Variants in SPIDR observed in about 807,000 individuals in gnomAD.
The protein encoded by SPIDR is scaffold protein involved in DNA repair, also known as DNA repair-scaffolding protein.
Under a neutral mutation model 104.6 loss-of-function variants are expected in SPIDR, and 93 were observed. That is an observed-to-expected ratio of 0.89 (90% CI 0.75 to 1.06). The LOEUF is 1.06. Among genes scored for constraint, SPIDR ranks in the 50% least tolerant of loss-of-function variants. The pLI, the probability that SPIDR is intolerant of heterozygous loss-of-function variation, is 0.00. For synonymous variants in SPIDR, 431 were observed against 416.9 expected (o/e 1.03, Z -0.41); for missense variants, 1,154 against 1,111.2 (o/e 1.04, Z -0.55).
At chr8:47,269,048 T>A (rs2154212883) in intron 1 of SPIDR, among the ~76,000 whole-genome samples, 1 of 151,980 alleles carries the variant, frequency 6.6e-6, no homozygotes, top group South Asian at 2.1e-4. Context: ...ATGCCTGTGG[T>A]CCCAGCTACT....
intron 10 of SPIDR, among the ~76,000 whole-genome samples, chr8:47,648,360 A>G (rs1202047731): frequency 2.6e-5 from 4 of 152,212 alleles, no homozygotes; most frequent in Non-Finnish European, 5.9e-5. Flanking sequence ...ATGGTTTTAA[A>G]CATGTTGAGT....
At chr8:47,293,457 T>A (rs907542514) in intron 4 of SPIDR, among the ~76,000 whole-genome samples, 10 of 152,054 alleles carry the variant, frequency 6.6e-5, no homozygotes, top group Admixed American at 3.9e-4. Context: ...ACTGTCTAAA[T>A]TTTTTTTGAG....
intron 8 of SPIDR, among the ~76,000 whole-genome samples, chr8:47,567,568 G>T (rs915790524): frequency 6.6e-6 from 1 of 151,988 alleles, no homozygotes; most frequent in Non-Finnish European, 1.5e-5. Flanking sequence ...CTCTGCCATT[G>T]CATTCAAAGA....
intron 8 of SPIDR, among the ~76,000 whole-genome samples, chr8:47,531,570 T>C (rs1416923761): frequency 6.6e-6 from 1 of 152,224 alleles, no homozygotes; most frequent in Non-Finnish European, 1.5e-5. Context: ...TTCAGAAGAC[T>C]TTTTAAGGAG....
chr8:47,621,016 G>A (rs891407227), intron 10 of SPIDR, among the ~76,000 whole-genome samples: 2 of 151,816 alleles, frequency 1.3e-5, no homozygotes, highest in Non-Finnish European at 2.9e-5. Context: ...GAGTGCAGTG[G>A]CACAATCTCA....
chr8:47,417,671 T>C (rs1232540522), intron 7 of SPIDR, among the ~76,000 whole-genome samples: 2 of 152,232 alleles, frequency 1.3e-5, no homozygotes, highest in Non-Finnish European at 2.9e-5. Context: ...CCATTGCTTT[T>C]GGTGTTTTAG....
At chr8:47,711,686 A>G (rs2081916411) in intron 14 of SPIDR, among the ~76,000 whole-genome samples, 1 of 152,030 alleles carries the variant, frequency 6.6e-6, no homozygotes, top group South Asian at 2.1e-4. Flanking sequence ...ATTTCTATCT[A>G]TCTAAAATCA....
chr8:47,306,290 G>A (rs911558378), intron 5 of SPIDR, among the ~76,000 whole-genome samples: 48 of 151,870 alleles, frequency 3.2e-4, no homozygotes, highest in Admixed American at 1.3e-4. Flanking sequence ...ATAGGCGCAC[G>A]CCACCACGCC....
At chr8:47,470,824 T>C (rs2075589758) in intron 8 of SPIDR, among the ~76,000 whole-genome samples, 1 of 151,810 alleles carries the variant, frequency 6.6e-6, no homozygotes. Context: ...AAGCTCTGCC[T>C]CCTGGGTTCC....
At chr8:47,516,105 G>A (rs923871280) in intron 8 of SPIDR, among the ~76,000 whole-genome samples, 4 of 152,130 alleles carry the variant, frequency 2.6e-5, no homozygotes, top group South Asian at 2.1e-4. Context: ...CACTGCGCCC[G>A]GCCAGTGTCT....
At chr8:47,623,792 C>G (rs2065532973) in intron 10 of SPIDR, among the ~76,000 whole-genome samples, 1 of 152,156 alleles carries the variant, frequency 6.6e-6, no homozygotes, top group Admixed American at 6.5e-5. Context: ...TAATGGGAGA[C>G]TTTAACACCC....
rs559730203 is a variant in SPIDR at position 47,449,872 on chromosome 8, G to A, written c.1097+9330G>A. On this transcript the variant is annotated intron_variant, in intron 8 of 19. Transcript: ENST00000297423. ...AAACCTGAGACTGCATAATTTATAAGCAATAGAAATTTGTCAGCCCAGTGC... is the reference window on the plus strand; with the variant it reads ...AAACCTGAGACTGCATAATTTATAAACAATAGAAATTTGTCAGCCCAGTGC... 1.3e-4 allele frequency among the ~76,000 whole-genome samples: 20 copies of A among 152,246 alleles called. No individual in the cohort carries two copies. In the East Asian group the frequency reaches 3.9e-3, roughly 29 times the overall value.
chr8:47,385,035 T>A (rs2059726531), intron 5 of SPIDR, among the ~76,000 whole-genome samples: 1 of 152,150 alleles, frequency 6.6e-6, no homozygotes, highest in Non-Finnish European at 1.5e-5. Context: ...CTCTAGGTCC[T>A]TTTATACTCT....
chr8:47,706,626 T>C (rs998021353), intron 14 of SPIDR, among the ~76,000 whole-genome samples: 3 of 152,190 alleles, frequency 2.0e-5, no homozygotes, highest in African/African-American at 7.2e-5. Context: ...GATCCTTTTT[T>C]CATCCCTAGC....
chr8:47,451,438 T>C lies in SPIDR; in HGVS notation c.1097+10896T>C, dbSNP rs374548178. 4.1e-3 allele frequency among the ~76,000 whole-genome samples: 620 copies of C among 151,540 alleles called. 4 individuals carry two copies. The highest frequency in any genetic ancestry group is 0.022 in the South Asian group (108 of 4,814). On this transcript the variant is annotated intron_variant, in intron 8 of 19. Coordinates refer to ENST00000297423, the MANE Select transcript of SPIDR (RefSeq NM_001080394.4). ...CTCTATAAAAAATGCAAAAATTACC[T>C]GGATATGGTGGTGCACTCCTGCAGT...
intron 8 of SPIDR, among the ~76,000 whole-genome samples, chr8:47,529,490 T>C (rs947760880): frequency 1.1e-4 from 17 of 152,002 alleles, no homozygotes; most frequent in Non-Finnish European, 2.4e-4. Flanking sequence ...ATCCTATATC[T>C]AGCAAAAATA....
intron 10 of SPIDR, among the ~76,000 whole-genome samples, chr8:47,658,860 G>A (rs369690070): frequency 6.6e-6 from 1 of 151,162 alleles, no homozygotes; most frequent in African/African-American, 2.4e-5. Context: ...CGCTTGGACC[G>A]GCGAGGTGGA....
intron 5 of SPIDR, among the ~76,000 whole-genome samples, chr8:47,341,940 G>A (rs530519563): frequency 6.6e-5 from 10 of 152,178 alleles, no homozygotes; most frequent in African/African-American, 2.4e-4. Flanking sequence ...TCGGAGTTGC[G>A]CATGGAGAAT....
intron 8 of SPIDR, among the ~76,000 whole-genome samples, chr8:47,515,950 C>T (rs902430188): frequency 6.6e-6 from 1 of 152,174 alleles, no homozygotes; most frequent in Non-Finnish European, 1.5e-5. Context: ...GCTGGGACTA[C>T]AGGCGCTCAC....
Sources: allele counts gnomAD v4.1 joint callset (sites outside exome capture counted in the v4.1 genomes callset), GRCh38; gene constraint gnomAD v4.1.1; transcripts MANE v1.5; gene names NCBI Gene and HGNC (gene_info 2026-07-23, HGNC 2026-07-21).